The following ZNF862 variants were observed in gnomAD, a reference collection of about 807,000 sequenced individuals.
The protein encoded by ZNF862 is zinc finger protein 862.
In ZNF862, 64 loss-of-function variants were observed where a neutral mutation model predicts 91.1. The observed-to-expected ratio is 0.70, with a 90% CI of 0.57 to 0.87. The LOEUF is 0.87. Among genes scored for constraint, ZNF862 ranks in the 40% least tolerant of loss-of-function variants. ZNF862 has a pLI of 0.00. For synonymous variants in ZNF862, 631 were observed against 618.1 expected (o/e 1.02, Z -0.31); for missense variants, 1,459 against 1,528.0 (o/e 0.95, Z 0.75).
Position 149,860,765 on chromosome 7 carries a change from G to T in ZNF862, c.1605G>T (p.Lys535Asn), listed in dbSNP as rs557810991. 2 of 1,613,894 alleles carry T rather than the reference G, an allele frequency of 1.2e-6. No homozygotes were observed. The highest frequency in any genetic ancestry group is 2.2e-5 in the South Asian group (2 of 91,084). ...TCTGTGTCAACACGGTTGAAATCAA[G>T]GAAGACACCCCTCACACTGCCCTCG... ...HRLCVNTVEI[K>N]EDTPHTALVP... Residue 535 changes from lysine (K) to asparagine (N), a missense_variant, in exon 7 of 8, where the codon AAG (lysine) becomes AAT (asparagine). Lys to Asn is a moderately conservative substitution (Grantham distance 94). Coordinates refer to ENST00000223210, the MANE Select transcript of ZNF862 (RefSeq NM_001099220.3).
At chr7:149,840,524 T>C (rs1226987689) in intron 1 of ZNF862, among the ~76,000 whole-genome samples, 1 of 152,194 alleles carries the variant, frequency 6.6e-6, no homozygotes, top group Non-Finnish European at 1.5e-5. Flanking sequence ...AGTCATGTCC[T>C]AGGCCTTCAC....
chr7:149,841,376 TG>T, intron 1 of ZNF862: 1 of 985,478 alleles, frequency 1.0e-6, no homozygotes, highest in Non-Finnish European at 1.2e-6. Context: ...GACAGAATAA[TG>T]GATAAGGGTC....
chr7:149,862,284 G>A lies in ZNF862; in HGVS notation c.3124G>A (p.Gly1042Arg), dbSNP rs1802541388. The change falls in exon 7 of 8, where the codon GGG (glycine) becomes AGG (arginine). Residue 1042 changes from glycine to arginine, a missense_variant. Transcript: ENST00000223210. ...CATCTCCACCTCTTGCTGTGAGCGG[G>A]GGTTCAAGGCCATGAACCGAATCAG... is the stretch of plus-strand genomic sequence containing the variant. Reference protein sequence around the residue: ...VPISTSCCERGFKAMNRIRTD... With the variant: ...VPISTSCCERRFKAMNRIRTD... The A allele has an allele frequency of 6.2e-7, 1 of 1,613,684 alleles. No homozygotes were observed. Among genetic ancestry groups the A allele is most frequent in the Non-Finnish European group, 8.5e-7 (1 of 1,179,822 alleles).
At chr7:149,859,651 G>A in intron 6 of ZNF862, 125 bp downstream of exon 6, 1 of 745,302 alleles carries the variant, frequency 1.3e-6, no homozygotes, top group Non-Finnish European at 2.2e-6. Context: ...AGCCTGGCAG[G>A]AGGCCCTGGG....
chr7:149,860,764 A>T lies in ZNF862; in HGVS notation c.1604A>T (p.Lys535Met), dbSNP rs1409281488. Reference sequence around the variant, plus strand: ...CTCTGTGTCAACACGGTTGAAATCAAGGAAGACACCCCTCACACTGCCCTC... The same window carrying T: ...CTCTGTGTCAACACGGTTGAAATCATGGAAGACACCCCTCACACTGCCCTC... The part of the protein sequence containing the change: ...HRLCVNTVEI[K>M]EDTPHTALVP... The change falls in exon 7 of 8, where the codon AAG becomes ATG. Residue 535 changes from lysine to methionine, a missense_variant. Transcript: ENST00000223210. The T allele has an allele frequency of 6.2e-7, 1 of 1,613,816 alleles. No homozygotes were observed. Among genetic ancestry groups the T allele is most frequent in the East Asian group, 2.2e-5 (1 of 44,876 alleles).
chr7:149,838,990 G>A (rs1391027918), intron 1 of ZNF862, among the ~76,000 whole-genome samples: 1 of 152,242 alleles, frequency 6.6e-6, no homozygotes, highest in Non-Finnish European at 1.5e-5. Context: ...TGGATCGGAC[G>A]CCAGTGGGAG....
chr7:149,850,434 C>T lies in ZNF862; in HGVS notation c.1117+96C>T, dbSNP rs114269989. 7.6e-4 allele frequency: 997 copies of T among 1,313,580 alleles called. 6 individuals are homozygous for T. In the African/African-American group the frequency reaches 0.013, roughly 17 times the overall value. 81.4% of individuals were successfully genotyped at this position (1,313,580 alleles called of 1,614,324 possible). ...TTGTGGTTATCTTCCCATTCCTGCCCCCTCCCTGTGTGTAGGCAGAGACCG... is the reference window on the plus strand; with the variant it reads ...TTGTGGTTATCTTCCCATTCCTGCCTCCTCCCTGTGTGTAGGCAGAGACCG... On this transcript the variant is annotated intron_variant, in intron 5 of 7. Transcript: ENST00000223210. The surrounding 1 kb of genome is among the most constrained non-coding windows in gnomAD (Gnocchi z 4.2).
rs753380004 is a variant in ZNF862, at chr7:149,860,473, G to T, written c.1313G>T (p.Arg438Leu). ...CTTCCAGGCTCTCCCGTGGAGGCCCGTGCCTCCTGCTGCAGTTCCAGCATT... is the reference window on the plus strand; with the variant it reads ...CTTCCAGGCTCTCCCGTGGAGGCCCTTGCCTCCTGCTGCAGTTCCAGCATT... Reference protein sequence around the residue: ...ALLPGSPVEARASCCSSSICE... With the variant: ...ALLPGSPVEALASCCSSSICE... Residue 438 changes from arginine to leucine, a missense_variant, in exon 7 of 8, where the codon CGT (arginine) becomes CTT (leucine). Physicochemically the swap from Arg to Leu is moderately radical, Grantham distance 102 (BLOSUM62 -2). Transcript: ENST00000223210. The T allele has an allele frequency of 6.2e-7, 1 of 1,613,840 alleles. No individual in the cohort carries two copies. Among genetic ancestry groups the T allele is most frequent in the African/African-American group, 1.3e-5 (1 of 74,906 alleles).
Position 149,848,123 on chromosome 7 carries a change from C to T in ZNF862, c.630C>T (p.Asp210=), listed in dbSNP as rs1801941097. The change falls in exon 4 of 8, where the codon GAC becomes GAT. Residue 210 remains aspartate (D), a synonymous_variant. Coordinates refer to ENST00000223210, the MANE Select transcript of ZNF862 (RefSeq NM_001099220.3). ...GTGTCAATGCCTTGGCAGCGAGGGA[C>T]CCCATCTGGGCAGCCCGGTTCCGGA... The part of the protein sequence containing the change: ...MFCVNALAAR[D]PIWAARFRSI... The T allele has an allele frequency of 6.2e-7, 1 of 1,613,948 alleles. No homozygotes were observed. The highest frequency in any genetic ancestry group is 8.5e-7 in the Non-Finnish European group (1 of 1,179,922).
At position 149,842,101 on chromosome 7, in the gene ZNF862, A is replaced by G. The variant is rs556885247; in HGVS notation, c.25-2524A>G. On this transcript the variant is annotated intron_variant, in intron 1 of 7. Transcript: ENST00000223210. ...CAGGAGAAGGATAAATGCTTGGGCCAGGTGGTTAGGAAATCCTTCCTGAAA... is the reference window on the plus strand; with the variant it reads ...CAGGAGAAGGATAAATGCTTGGGCCGGGTGGTTAGGAAATCCTTCCTGAAA... Among the ~76,000 whole-genome samples, 8 of 152,298 alleles carry G rather than the reference A, an allele frequency of 5.3e-5. No individual in the cohort carries two copies. The East Asian group carries it at 1.3e-3, about 26-fold the overall frequency.
At chr7:149,852,029 G>A (rs1399324056) in intron 5 of ZNF862, 3 of 152,038 alleles carry the variant, frequency 2.0e-5, no homozygotes, top group Admixed American at 6.6e-5. Flanking sequence ...AACTATCCCC[G>A]AATTTAAACA....
rs1307827918 is a variant in ZNF862, at chr7:149,848,044, C to T, written c.551C>T (p.Pro184Leu). 2.5e-6 allele frequency: 4 copies of T among 1,613,960 alleles called. No homozygotes were observed. The highest frequency in any genetic ancestry group is 1.7e-5 in the Admixed American group (1 of 60,006). ...AGACTAATAGAAGGTTATACAGGAC[C>T]ATTCAAGGTGGAGACTCTCAAATAC... The part of the protein sequence containing the change: ...RSRLIEGYTG[P>L]FKVETLKYHA... The change falls in exon 4 of 8, where the codon CCA becomes CTA. Residue 184 changes from proline (P) to leucine (L), a missense_variant. By Grantham distance (98) the Pro-to-Leu change is moderately conservative (BLOSUM62 -3). Transcript: ENST00000223210.
Position 149,845,012 on chromosome 7 carries a change from C to A in ZNF862, c.136+276C>A, listed in dbSNP as rs113249906. The stretch of plus-strand genomic sequence containing the variant: ...CTGTCTCCTGGTGCCTCAGAATGCC[C>A]CAAGGGGCCGGGAGGGAAACTCGGA... On this transcript the variant is annotated intron_variant, in intron 2 of 7. Transcript: ENST00000223210. 6.3e-4 allele frequency: 238 copies of A among 377,848 alleles called. 1 individual carries two copies. Among genetic ancestry groups the A allele is most frequent in the African/African-American group, 4.7e-3 (225 of 47,596 alleles). 23.4% of individuals were successfully genotyped at this position (377,848 alleles called of 1,614,324 possible). A position where few individuals can be genotyped will look rare whatever the true frequency, so the allele number is the denominator to read the frequency against.
chr7:149,848,404 A>G lies in ZNF862; in HGVS notation c.911A>G (p.Tyr304Cys), dbSNP rs750082535. 2.5e-6 allele frequency: 4 copies of G among 1,569,454 alleles called. No homozygotes were observed. The highest frequency in any genetic ancestry group is 1.7e-6 in the Non-Finnish European group (2 of 1,157,170). ...AGCTCCTCAGACATTAATATTTTATATAATGATGCAGTAGAATCCTGCATT... is the reference window on the plus strand; with the variant it reads ...AGCTCCTCAGACATTAATATTTTATGTAATGATGCAGTAGAATCCTGCATT... Reference protein sequence around the residue: ...IHSSSDINILYNDAVESCIQD... With the variant: ...IHSSSDINILCNDAVESCIQD... The change falls in exon 4 of 8, where the codon TAT becomes TGT. Residue 304 changes from tyrosine (Y) to cysteine (C), a missense_variant. Physicochemically the swap from Tyr to Cys is radical, Grantham distance 194. Transcript: ENST00000223210.
intron 5 of ZNF862, chr7:149,858,305 T>C (rs1222249308): frequency 6.6e-6 from 1 of 152,248 alleles, no homozygotes; most frequent in African/African-American, 2.4e-5. Context: ...CAATTTATCT[T>C]GGGCTTATAC....
chr7:149,866,392 G>A lies in ZNF862; in HGVS notation c.*2108G>A, dbSNP rs1390689932. 1 of 152,220 alleles carries A rather than the reference G, an allele frequency of 6.6e-6. No homozygotes were observed. The highest frequency in any genetic ancestry group is 1.5e-5 in the Non-Finnish European group (1 of 68,054). The allele number at this position is 152,220 out of a possible 1,614,324, so 9.4% of individuals were successfully genotyped here. A position where few individuals can be genotyped will look rare whatever the true frequency, so the allele number is the denominator to read the frequency against. On this transcript the variant is annotated 3_prime_UTR_variant, in exon 8 of 8. Transcript: ENST00000223210. Reference sequence around the variant, plus strand: ...GGAGGGAGAAAGGCTTTTTTAGGTGGGGCTATAGCCTCTGCCCTACCCACA... The same window carrying A: ...GGAGGGAGAAAGGCTTTTTTAGGTGAGGCTATAGCCTCTGCCCTACCCACA...
rs1802716605 is a variant in ZNF862 at position 149,866,217 on chromosome 7, G to T, written c.*1933G>T. The T allele has an allele frequency of 6.6e-6, 1 of 152,164 alleles. No individual in the cohort carries two copies. Among genetic ancestry groups the T allele is most frequent in the Admixed American group, 6.5e-5 (1 of 15,284 alleles). 9.4% of individuals were successfully genotyped at this position (152,164 alleles called of 1,614,324 possible). ...GCCCTGTGGGTCTGGCGGTCAGAGG[G>T]ACCCCACAGGCCTGTGGTGCGGGAG... On this transcript the variant is annotated 3_prime_UTR_variant, in exon 8 of 8. Coordinates refer to ENST00000223210, the MANE Select transcript of ZNF862 (RefSeq NM_001099220.3).
At chr7:149,846,114 C>G in intron 2 of ZNF862, 37 bp from the exon 3 acceptor site, 1 of 1,390,110 alleles carries the variant, frequency 7.2e-7, no homozygotes, top group Non-Finnish European at 1.0e-6. Flanking sequence ...TAGTGCTTTT[C>G]TCTCTCTCTC....
In ZNF862 at chr7:149,864,519, T is replaced by C. The variant is rs1802646809; in HGVS notation, c.*235T>C. ...CACACAAATGTGCCAGAAGGTTCTA[T>C]ATCTCAAGTTCATTTTTAAGGTGCT... On this transcript the variant is annotated 3_prime_UTR_variant, in exon 8 of 8. Transcript: ENST00000223210. 3 of 501,626 alleles carry C rather than the reference T, an allele frequency of 6.0e-6. No individual in the cohort carries two copies. In the South Asian group the frequency reaches 1.0e-4, roughly 17 times the overall value. 31.1% of individuals were successfully genotyped at this position (501,626 alleles called of 1,614,324 possible).
Sources: gnomAD v4.1 joint callset for allele counts (sites outside exome capture counted in the v4.1 genomes callset) on GRCh38, gnomAD v4.1.1 for gene constraint, Gnocchi (gnomAD v3.1) non-coding constraint, MANE v1.5 for transcripts, NCBI Gene and HGNC (gene_info 2026-07-23, HGNC 2026-07-21) for gene names.